G3BP1: variants seen among roughly 807,000 people sequenced by gnomAD.
G3BP1 encodes ras GTPase-activating protein-binding protein 1.
A neutral mutation model predicts 58.6 loss-of-function variants in G3BP1; 35 were observed. That is an observed-to-expected ratio of 0.60 (90% CI 0.46 to 0.79). The LOEUF is 0.79. G3BP1 is among the 30% of genes least tolerant of loss of function. G3BP1 has a pLI of 0.00. For missense variants in G3BP1, 523 were observed against 580.8 expected (o/e 0.90, Z 1.02); for synonymous variants, 191 against 195.4 (o/e 0.98, Z 0.19).
rs1000991596 is a variant in G3BP1 at position 151,796,984 on chromosome 5, C to T, written c.540-243C>T. On this transcript the variant is annotated intron_variant, in intron 6 of 11. Transcript: ENST00000356245. ...ATTCCAGCCATAAAGTGGTTTGGTT[C>T]ATTTTGATGTCCTGATTCATTTGCT... 3.7e-5 allele frequency among the ~76,000 whole-genome samples: 5 copies of T among 134,996 alleles called. No individual in the cohort carries two copies. The East Asian group carries it at 1.2e-3, about 32-fold the overall frequency. 88.6% of individuals were successfully genotyped at this position (134,996 alleles called of 152,430 possible). A position where few individuals can be genotyped will look rare whatever the true frequency, so the allele number is the denominator to read the frequency against.
chr5:151,807,709 A>C lies in G3BP1; in HGVS notation c.*3618A>C, dbSNP rs1762958469. 6.6e-6 allele frequency: 1 copy of C among 152,170 alleles called. No individual in the cohort carries two copies. Among genetic ancestry groups the C allele is most frequent in the Admixed American group, 6.5e-5 (1 of 15,284 alleles). 9.4% of individuals were successfully genotyped at this position (152,170 alleles called of 1,614,324 possible). On this transcript the variant is annotated 3_prime_UTR_variant, in exon 12 of 12. Coordinates refer to ENST00000356245, the MANE Select transcript of G3BP1 (RefSeq NM_005754.3). The stretch of plus-strand genomic sequence containing the variant: ...CTGTCACCTTCTGATACTTTTCTTC[A>C]TCCCTCTATTTGAAAAACCCTTGTA...
rs1275459391 is a variant in G3BP1, at chr5:151,790,953, A to G, written c.242A>G (p.Asp81Gly). ...TNCHTKIRHV[D>G]AHATLNDGVV... ...TGCCACACCAAGATTCGCCATGTTG[A>G]TGCTCATGCCACGCTAAATGATGGT... Residue 81 changes from aspartate to glycine, a missense_variant, in exon 4 of 12, where the codon GAT becomes GGT. Physicochemically the swap from Asp to Gly is moderately conservative, Grantham distance 94. This residue lies in a region of G3BP1 where 398 missense variants were observed against 399.1 expected (regional missense o/e 1.00). Transcript: ENST00000356245. 6.2e-7 allele frequency: 1 copy of G among 1,611,788 alleles called. No individual in the cohort carries two copies. The highest frequency in any genetic ancestry group is 1.1e-5 in the South Asian group (1 of 90,996).
chr5:151,790,497 G>T, intron 3 of G3BP1, 93 bp downstream of exon 3: 2 of 604,672 alleles, frequency 3.3e-6, no homozygotes, highest in Non-Finnish European at 5.6e-6. Context: ...TGCTGATAAA[G>T]ATCCAGTTTC....
chr5:151,800,352 T>TA lies in G3BP1; in HGVS notation c.1084+6_1084+7insA, dbSNP rs1310216716. On this transcript the variant is annotated splice_region_variant and intron_variant, in intron 10 of 11. Transcript: ENST00000356245. ...GCTTAAAGATTTCTTTCAAAGTAGG[T>TA]TATTGAGTTTTGAACACTAAATTCA... The TA allele has an allele frequency of 1.2e-6, 2 of 1,611,120 alleles. No homozygotes were observed. Among genetic ancestry groups the TA allele is most frequent in the Admixed American group, 3.3e-5 (2 of 59,980 alleles).
At chr5:151,790,861 T>C in intron 3 of G3BP1, 28 bp from the exon 4 acceptor site, 1 of 1,109,102 alleles carries the variant, frequency 9.0e-7, no homozygotes, top group Non-Finnish European at 1.3e-6. Flanking sequence ...TCTCAGTTGA[T>C]TATTATTATT....
At chr5:151,794,134 T>G in intron 4 of G3BP1, 25 bp from the exon 5 acceptor site, 1 of 1,422,304 alleles carries the variant, frequency 7.0e-7, no homozygotes, top group Non-Finnish European at 9.9e-7. Context: ...GTTGAATAAA[T>G]TAAAACTTTC....
intron 2 of G3BP1, among the ~76,000 whole-genome samples, chr5:151,788,639 G>A (rs1171394399): frequency 7.0e-6 from 1 of 143,634 alleles, no homozygotes; most frequent in African/African-American, 2.6e-5. Context: ...ATTTTTAGTA[G>A]GTGGAGTCTC....
At position 151,804,217 on chromosome 5, in the gene G3BP1, T is replaced by A. The variant is rs1478447737; in HGVS notation, c.*126T>A. 8.1e-5 allele frequency: 50 copies of A among 621,116 alleles called. No individual in the cohort carries two copies. In the East Asian group the frequency reaches 1.5e-3, roughly 19 times the overall value. 38.5% of individuals were successfully genotyped at this position (621,116 alleles called of 1,614,324 possible). ...TAAACTGCTTAAGTTTGTATAATTTTACTTTTTTTGTGTGTTAATGGTGTG... is the reference window on the plus strand; with the variant it reads ...TAAACTGCTTAAGTTTGTATAATTTAACTTTTTTTGTGTGTTAATGGTGTG... On this transcript the variant is annotated 3_prime_UTR_variant, in exon 12 of 12. Transcript: ENST00000356245.
At chr5:151,796,414 G>A (rs1017582487) in intron 6 of G3BP1, among the ~76,000 whole-genome samples, 11 of 152,112 alleles carry the variant, frequency 7.2e-5, no homozygotes, top group Admixed American at 5.2e-4. Context: ...GACTACAGGC[G>A]CACGCCACCA....
rs1003012770 is a variant in G3BP1 at position 151,809,514 on chromosome 5, T to G, written c.*5423T>G. On this transcript the variant is annotated 3_prime_UTR_variant, in exon 12 of 12. Coordinates refer to ENST00000356245, the MANE Select transcript of G3BP1 (RefSeq NM_005754.3). ...TATAGAAAATAATTATATTTTTGAGTGAGAAGCATCAGACTTAAATTTTTT... is the reference window on the plus strand; with the variant it reads ...TATAGAAAATAATTATATTTTTGAGGGAGAAGCATCAGACTTAAATTTTTT... 2.6e-5 allele frequency: 4 copies of G among 152,174 alleles called. No homozygotes were observed. Among genetic ancestry groups the G allele is most frequent in the Admixed American group, 2.0e-4 (3 of 15,278 alleles). 9.4% of individuals were successfully genotyped at this position (152,174 alleles called of 1,614,324 possible).
chr5:151,808,053 A>T lies in G3BP1; in HGVS notation c.*3962A>T, dbSNP rs146260052. ...TAACTGCCTAATGTACCAAAAAAAA[A>T]TTAGCAATGTCTTATGTGGGATGAG... On this transcript the variant is annotated 3_prime_UTR_variant, in exon 12 of 12. Transcript: ENST00000356245. 2 of 152,232 alleles carry T rather than the reference A, an allele frequency of 1.3e-5. No individual in the cohort carries two copies. Among genetic ancestry groups the T allele is most frequent in the South Asian group, 2.1e-4 (1 of 4,836 alleles). The allele number at this position is 152,232 out of a possible 1,614,324, so 9.4% of individuals were successfully genotyped here. A position where few individuals can be genotyped will look rare whatever the true frequency, so the allele number is the denominator to read the frequency against.
chr5:151,790,677 AGT>A (rs1000691143), intron 3 of G3BP1, among the ~76,000 whole-genome samples: 6 of 152,176 alleles, frequency 3.9e-5, no homozygotes, highest in African/African-American at 1.2e-4. Context: ...AACTTTGAAA[AGT>A]GTGTTAATTC....
rs1284631257 is a variant in G3BP1 at position 151,807,116 on chromosome 5, A to G, written c.*3025A>G. 6.6e-6 allele frequency: 1 copy of G among 152,208 alleles called. No homozygotes were observed. The highest frequency in any genetic ancestry group is 1.9e-4 in the East Asian group (1 of 5,204). 9.4% of individuals were successfully genotyped at this position (152,208 alleles called of 1,614,324 possible). A position where few individuals can be genotyped will look rare whatever the true frequency, so the allele number is the denominator to read the frequency against. On this transcript the variant is annotated 3_prime_UTR_variant, in exon 12 of 12. Coordinates refer to ENST00000356245, the MANE Select transcript of G3BP1 (RefSeq NM_005754.3). ...ATTGCTAGGGACCAGTGAGATAGAT[A>G]ATCCAAAAATAATAATTTGACTTTG... is the stretch of plus-strand genomic sequence containing the variant.
At chr5:151,800,117 T>A (rs1402039690) in intron 9 of G3BP1, 101 bp from the exon 10 acceptor site, 111 of 1,237,132 alleles carry the variant, frequency 9.0e-5, no homozygotes, top group Non-Finnish European at 1.3e-4. Context: ...TTGATGGAAT[T>A]ACCTGTTTTT....
intron 1 of G3BP1, among the ~76,000 whole-genome samples, chr5:151,780,184 A>G (rs925268481): frequency 6.6e-6 from 1 of 151,746 alleles, no homozygotes; most frequent in Non-Finnish European, 1.5e-5. Flanking sequence ...TATTAATTGC[A>G]TTTTCCTGGT....
Position 151,811,577 on chromosome 5 carries a change from A to G in G3BP1, c.*7486A>G, listed in dbSNP as rs1312848580. The stretch of plus-strand genomic sequence containing the variant: ...GATGGTTCAATAAATATACTTTTAT[A>G]TACATGTTTCACAGAAATTTTACAT... On this transcript the variant is annotated 3_prime_UTR_variant, in exon 12 of 12. Coordinates refer to ENST00000356245, the MANE Select transcript of G3BP1 (RefSeq NM_005754.3). 1 of 152,178 alleles carries G rather than the reference A, an allele frequency of 6.6e-6. No individual in the cohort carries two copies. The highest frequency in any genetic ancestry group is 1.9e-4 in the East Asian group (1 of 5,200). 9.4% of individuals were successfully genotyped at this position (152,178 alleles called of 1,614,324 possible).
rs7734998 is a variant in G3BP1, at chr5:151,773,235, G to A, written c.-50+1199G>A. On this transcript the variant is annotated intron_variant, in intron 1 of 11. Transcript: ENST00000356245. ...GAGAAGATTCACTTTATAGTTGAAG[G>A]GAATGAGGTGCAAAGCGACGAATTT... 6.6e-3 allele frequency among the ~76,000 whole-genome samples: 1,008 copies of A among 152,236 alleles called. 10 individuals carry two copies. The highest frequency in any genetic ancestry group is 0.021 in the African/African-American group (881 of 41,536).
chr5:151,801,793 C>T (rs1018096158), intron 11 of G3BP1, among the ~76,000 whole-genome samples: 1 of 151,874 alleles, frequency 6.6e-6, no homozygotes, highest in African/African-American at 2.4e-5. Flanking sequence ...TGTTAATGGG[C>T]ATACTGCAAA....
chr5:151,804,173 G>T lies in G3BP1; in HGVS notation c.*82G>T. ...TTTCGACAGCCTTTGGTATCTTGGAGTATGACCCCAGTCTGTTATAAACTG... is the reference window on the plus strand; with the variant it reads ...TTTCGACAGCCTTTGGTATCTTGGATTATGACCCCAGTCTGTTATAAACTG... On this transcript the variant is annotated 3_prime_UTR_variant, in exon 12 of 12. Transcript: ENST00000356245. 2.0e-6 allele frequency: 2 copies of T among 993,474 alleles called. No individual in the cohort carries two copies. The highest frequency in any genetic ancestry group is 3.0e-6 in the Non-Finnish European group (2 of 656,364). 61.5% of individuals were successfully genotyped at this position (993,474 alleles called of 1,614,324 possible).
Sources: gnomAD v4.1 joint callset for allele counts (sites outside exome capture counted in the v4.1 genomes callset) on GRCh38, gnomAD v4.1.1 for gene constraint, gnomAD v4.1.1 regional missense constraint, MANE v1.5 for transcripts, NCBI Gene and HGNC (gene_info 2026-07-23, HGNC 2026-07-21) for gene names.